FSAF1: variants seen among roughly 807,000 people sequenced by gnomAD.
FSAF1 encodes the protein 40S small subunit processome assembly factor 1, also known as uncharacterized protein C1orf131.
chr1:231,228,493 G>C, the FSAF1 span, among the ~76,000 whole-genome samples: 1 of 151,792 alleles, frequency 6.6e-6, no homozygotes, highest in East Asian at 1.9e-4. Flanking sequence ...CAGCTACTCC[G>C]GAGACTGAAG....
chr1:231,237,928 G>T, the FSAF1 span: 1 of 152,214 alleles, frequency 6.6e-6, no homozygotes, highest in Non-Finnish European at 1.5e-5. Flanking sequence ...CACGCCTGTA[G>T]TCCCAGCATT....
chr1:231,229,227 T>A, the FSAF1 span: 1 of 1,512,434 alleles, frequency 6.6e-7, no homozygotes, highest in Non-Finnish European at 9.1e-7. Context: ...AAAAAATTCT[T>A]ATTTAGATCA....
chr1:231,227,266 C>T, the FSAF1 span, among the ~76,000 whole-genome samples: 5 of 152,148 alleles, frequency 3.3e-5, no homozygotes, highest in Non-Finnish European at 5.9e-5. Context: ...CATCTTTCTC[C>T]TGTTTTTTTT....
chr1:231,224,705 C>CA, the FSAF1 span: 1 of 348,960 alleles, frequency 2.9e-6, no homozygotes, highest in South Asian at 8.2e-5. Context: ...AGACTAATTT[C>CA]CCAGCTCACC....
At chr1:231,226,477 G>A in the FSAF1 span, 15 of 522,750 alleles carry the variant, frequency 2.9e-5, no homozygotes, top group African/African-American at 1.3e-4. Context: ...TATAAATTAC[G>A]CAGCATCAGG....
chr1:231,229,249 ATC>A, the FSAF1 span: 2 of 1,342,570 alleles, frequency 1.5e-6, no homozygotes, highest in Non-Finnish European at 2.1e-6. Flanking sequence ...CTGTTACTAT[ATC>A]ATTATAGTAT....
At chr1:231,241,089 C>T in the FSAF1 span, 2 of 1,614,100 alleles carry the variant, frequency 1.2e-6, no homozygotes, top group Non-Finnish European at 1.7e-6. Context: ...CGTGGAGGAC[C>T]CCGGCCCTTG....
the FSAF1 span, chr1:231,238,310 C>T: frequency 6.6e-6 from 1 of 152,284 alleles, no homozygotes; most frequent in East Asian, 1.9e-4. Context: ...GCTTTTCCAC[C>T]AGCATTGCTT....
the FSAF1 span, chr1:231,227,073 G>A: frequency 1.3e-5 from 21 of 1,613,734 alleles, no homozygotes; most frequent in African/African-American, 1.3e-4. Flanking sequence ...ACGAGCCTGC[G>A]GACACAAAGC....
chr1:231,226,987 T>C, the FSAF1 span: 1 of 1,614,226 alleles, frequency 6.2e-7, no homozygotes, highest in Admixed American at 1.7e-5. Context: ...GCGCCCAGCA[T>C]AATGGCACGT....
At chr1:231,230,339 G>T in the FSAF1 span, among the ~76,000 whole-genome samples, 1 of 152,184 alleles carries the variant, frequency 6.6e-6, no homozygotes, top group Non-Finnish European at 1.5e-5. Flanking sequence ...CTATATTCAA[G>T]TAATTATTTC....
chr1:231,224,294 G>A, the FSAF1 span: 9 of 1,610,566 alleles, frequency 5.6e-6, no homozygotes, highest in Middle Eastern at 3.3e-4. Flanking sequence ...TGGCCACTCT[G>A]GAAGAATTTA....
chr1:231,239,300 C>T, the FSAF1 span: 2 of 838,220 alleles, frequency 2.4e-6, no homozygotes, highest in African/African-American at 1.7e-5. Flanking sequence ...CACCTAGAAG[C>T]ACACACAAAG....
the FSAF1 span, among the ~76,000 whole-genome samples, chr1:231,239,872 A>T: frequency 6.6e-6 from 1 of 152,272 alleles, no homozygotes; most frequent in Non-Finnish European, 1.5e-5. Flanking sequence ...AAATGAATAG[A>T]CACATTCAAT....
the FSAF1 span, among the ~76,000 whole-genome samples, chr1:231,232,504 G>A: frequency 6.6e-6 from 1 of 152,192 alleles, no homozygotes; most frequent in African/African-American, 2.4e-5. Context: ...TGTGGCACAG[G>A]AGACCTGCCT....
At chr1:231,223,960 G>C in the FSAF1 span, 1 of 220,390 alleles carries the variant, frequency 4.5e-6, no homozygotes, top group African/African-American at 2.3e-5. Context: ...AAACAGTAAA[G>C]TTATAAAAAA....
the FSAF1 span, among the ~76,000 whole-genome samples, chr1:231,234,044 G>A: frequency 6.6e-6 from 1 of 152,142 alleles, no homozygotes; most frequent in African/African-American, 2.4e-5. The surrounding 1 kb of genome is among the most constrained non-coding windows in gnomAD (Gnocchi z 4.0). Flanking sequence ...AAGCTTCTCT[G>A]TGAAATGAAG....
At chr1:231,226,696 T>C in the FSAF1 span, 3 of 1,515,932 alleles carry the variant, frequency 2.0e-6, no homozygotes, top group Admixed American at 1.7e-5. Context: ...AGAGCATCCA[T>C]CTTCCCATTC....
At chr1:231,225,666 A>G in the FSAF1 span, 1 of 764,200 alleles carries the variant, frequency 1.3e-6, no homozygotes, top group Non-Finnish European at 2.2e-6. Flanking sequence ...TAACAGTCTC[A>G]AAGTTTTACC....
Sources: gnomAD v4.1 joint callset for allele counts (sites outside exome capture counted in the v4.1 genomes callset) on GRCh38, gnomAD v4.1.1 for gene constraint, Gnocchi (gnomAD v3.1) non-coding constraint, MANE v1.5 for transcripts, NCBI Gene and HGNC (gene_info 2026-07-23, HGNC 2026-07-21) for gene names.